CTTNBP2: variants seen among roughly 807,000 people sequenced by gnomAD.
The protein encoded by CTTNBP2 is cortactin-binding protein 2.
Under a neutral mutation model 156.9 loss-of-function variants are expected in CTTNBP2, and 108 were observed. That is an observed-to-expected ratio of 0.69 (90% confidence interval 0.59 to 0.81). The LOEUF is 0.81. Among genes scored for constraint, CTTNBP2 ranks in the 30% least tolerant of loss-of-function variants. The probability of loss-of-function intolerance (pLI) is 0.00; values close to 1 mark genes in which losing one functional copy is unlikely to be tolerated. For missense variants in CTTNBP2, 1,924 were observed against 2,035.4 expected, an observed-to-expected ratio of 0.95 and a Z score of 1.05; for synonymous variants, 767 against 751.8, an observed-to-expected ratio of 1.02 and a Z score of -0.33.
chr7:117,819,690 G>A (rs1218759345), intron 2 of CTTNBP2, among the ~76,000 whole-genome samples: 1 of 152,086 alleles, frequency 6.6e-6, no homozygotes, highest in African/African-American at 2.4e-5. Flanking sequence ...GATTTTCTGT[G>A]CAATGCTGAG....
chr7:117,738,993 A>G (rs1795852787), intron 14 of CTTNBP2, among the ~76,000 whole-genome samples: 2 of 152,128 alleles, frequency 1.3e-5, no homozygotes, highest in African/African-American at 4.8e-5. Context: ...TTTCCACTTC[A>G]TCTTTATCTT....
At chr7:117,766,893 C>A (rs534241724) in intron 9 of CTTNBP2, among the ~76,000 whole-genome samples, 166 bp downstream of exon 9, 1 of 152,156 alleles carries the variant, frequency 6.6e-6, no homozygotes, top group Non-Finnish European at 1.5e-5. Flanking sequence ...TCATTCTACA[C>A]GGAAAAATAG....
chr7:117,713,131 C>G (rs889012831), intron 22 of CTTNBP2, among the ~76,000 whole-genome samples: 2 of 152,190 alleles, frequency 1.3e-5, no homozygotes, highest in African/African-American at 4.8e-5. Flanking sequence ...TGAGATGGAA[C>G]AGTTTCATCC....
intron 3 of CTTNBP2, among the ~76,000 whole-genome samples, chr7:117,804,296 C>A (rs1799799399): frequency 6.6e-6 from 1 of 152,056 alleles, no homozygotes; most frequent in African/African-American, 2.4e-5. Flanking sequence ...ATGTTATGAG[C>A]CAGTAAGTTT....
chr7:117,822,560 ACG>A (rs1801029838), intron 2 of CTTNBP2, among the ~76,000 whole-genome samples: 1 of 152,146 alleles, frequency 6.6e-6, no homozygotes, highest in Non-Finnish European at 1.5e-5. Context: ...AAATGTTTTG[ACG>A]TGTATATTTG....
chr7:117,719,202 CAAAAAT>C (rs1451718303), intron 21 of CTTNBP2, among the ~76,000 whole-genome samples: 2 of 151,948 alleles, frequency 1.3e-5, no homozygotes, highest in African/African-American at 4.8e-5. Flanking sequence ...ACTCCATCTC[CAAAAAT>C]AAAAAAGAAA....
intron 4 of CTTNBP2, among the ~76,000 whole-genome samples, chr7:117,788,897 A>G (rs759122762): frequency 2.0e-5 from 3 of 152,226 alleles, no homozygotes; most frequent in Non-Finnish European, 4.4e-5. Flanking sequence ...TCTGAGAGGA[A>G]TAAATAAATA....
chr7:117,791,523 G>A lies in CTTNBP2; in HGVS notation c.1673C>T (p.Pro558Leu). Reference protein sequence around the residue: ...KKPGLSQTPSPPHPQLKVIID... With the variant: ...KKPGLSQTPSLPHPQLKVIID... ...AATAACCTTGAGTTGGGGGTGTGGT[G>A]GAGAAGGAGTTTGGGAGAGCCCTGG... Residue 558 changes from proline (P) to leucine (L), a missense_variant, in exon 4 of 23, where the codon CCA (proline) becomes CTA (leucine). Coordinates refer to ENST00000160373, the MANE Select transcript of CTTNBP2 (RefSeq NM_033427.3). The A allele has an allele frequency of 6.2e-7, 1 of 1,614,158 alleles. No homozygotes were observed. Among genetic ancestry groups the A allele is most frequent in the Non-Finnish European group, 8.5e-7 (1 of 1,180,030 alleles).
At chr7:117,820,007 C>G (rs997920619) in intron 2 of CTTNBP2, among the ~76,000 whole-genome samples, 2 of 152,186 alleles carry the variant, frequency 1.3e-5, no homozygotes, top group East Asian at 3.8e-4. Flanking sequence ...CAGAAGTAAT[C>G]TCTCTCCTTT....
In CTTNBP2 at chr7:117,724,568, T is replaced by C; in HGVS notation, c.4426A>G (p.Lys1476Glu). The C allele has an allele frequency of 6.2e-7, 1 of 1,613,852 alleles. No individual in the cohort carries two copies. Among genetic ancestry groups the C allele is most frequent in the Non-Finnish European group, 8.5e-7 (1 of 1,180,002 alleles). Residue 1476 changes from lysine (K) to glutamate (E), a missense_variant, in exon 19 of 23, where the codon AAG becomes GAG. Physicochemically the swap from Lys to Glu is moderately conservative, Grantham distance 56. Coordinates refer to ENST00000160373, the MANE Select transcript of CTTNBP2 (RefSeq NM_033427.3). ...SGRFSLPTWN[K>E]PDLSTEGMKN... Reference sequence around the variant, plus strand: ...TTACCTTCAGTGCTTAGGTCTGGCTTATTCCAGGTGGGTAAAGAGAAGCGG... The same window carrying C: ...TTACCTTCAGTGCTTAGGTCTGGCTCATTCCAGGTGGGTAAAGAGAAGCGG...
At chr7:117,865,103 T>A (rs1804079299) in intron 1 of CTTNBP2, among the ~76,000 whole-genome samples, 1 of 151,624 alleles carries the variant, frequency 6.6e-6, no homozygotes, top group Non-Finnish European at 1.5e-5. Context: ...AGTCATATAA[T>A]GTTTATAAAA....
At chr7:117,755,662 G>A (rs1216972430) in intron 12 of CTTNBP2, 1 of 432,304 alleles carries the variant, frequency 2.3e-6, no homozygotes, top group Non-Finnish European at 4.6e-6. Flanking sequence ...TGCCTGGCAT[G>A]TAGTAAGTAT....
At chr7:117,719,994 T>C (rs1794691076) in intron 20 of CTTNBP2, among the ~76,000 whole-genome samples, 1 of 152,236 alleles carries the variant, frequency 6.6e-6, no homozygotes, top group South Asian at 2.1e-4. Context: ...AACTTGGCTC[T>C]ATTGCTAGCT....
At chr7:117,729,388 AAT>A (rs1562957132) in intron 16 of CTTNBP2, among the ~76,000 whole-genome samples, 5 of 152,188 alleles carry the variant, frequency 3.3e-5, no homozygotes, top group African/African-American at 1.2e-4. Flanking sequence ...CTATCCAATA[AAT>A]AGACTTTCTA....
At chr7:117,863,521 C>A (rs1803909864) in intron 1 of CTTNBP2, among the ~76,000 whole-genome samples, 1 of 152,230 alleles carries the variant, frequency 6.6e-6, no homozygotes, top group African/African-American at 2.4e-5. Flanking sequence ...GGCTCCACCC[C>A]TGGAAATTGT....
chr7:117,865,633 T>C (rs1804125500), intron 1 of CTTNBP2, among the ~76,000 whole-genome samples: 1 of 131,450 alleles, frequency 7.6e-6, no homozygotes, highest in Non-Finnish European at 1.5e-5. Flanking sequence ...GCAGAGATCG[T>C]GCCACTCCAG....
intron 4 of CTTNBP2, among the ~76,000 whole-genome samples, chr7:117,788,163 T>A (rs1301268409): frequency 6.6e-6 from 1 of 152,126 alleles, no homozygotes. Flanking sequence ...TTTGTAAAGA[T>A]GGGATTTTGC....
intron 14 of CTTNBP2, among the ~76,000 whole-genome samples, chr7:117,741,807 C>T (rs980078411): frequency 2.6e-5 from 4 of 152,202 alleles, no homozygotes; most frequent in Non-Finnish European, 4.4e-5. Context: ...CTTTCTACCT[C>T]GACTCTAAGC....
At chr7:117,774,896 A>G (rs913969762) in intron 8 of CTTNBP2, among the ~76,000 whole-genome samples, 5 of 152,218 alleles carry the variant, frequency 3.3e-5, no homozygotes, top group Non-Finnish European at 7.3e-5. Context: ...TGCAATGACT[A>G]GCTCAGAGCC....
Sources: gnomAD v4.1 joint callset for allele counts (sites outside exome capture counted in the v4.1 genomes callset) on GRCh38, gnomAD v4.1.1 for gene constraint, MANE v1.5 for transcripts, NCBI Gene and HGNC (gene_info 2026-07-23, HGNC 2026-07-21) for gene names.